LRIF1: variants seen among roughly 807,000 people sequenced by gnomAD.
The protein encoded by LRIF1 is ligand dependent nuclear receptor interacting factor 1.
A neutral mutation model predicts 52.7 loss-of-function variants in LRIF1; 32 were observed. The observed-to-expected ratio is 0.61, with a 90% CI of 0.46 to 0.82. The LOEUF is 0.82. LRIF1 is among the 40% of genes least tolerant of loss of function. The pLI is 0.00. For synonymous variants in LRIF1, 323 were observed against 317.4 expected (o/e 1.02, Z -0.19); for missense variants, 887 against 892.0 (o/e 0.99, Z 0.07).
chr1:110,928,258 G>C, the LRIF1 span, among the ~76,000 whole-genome samples: 1 of 152,136 alleles, frequency 6.6e-6, no homozygotes, highest in Non-Finnish European at 1.5e-5. Context: ...AATTTTGTTT[G>C]TTGAATAGTA....
At chr1:110,962,045 A>G (rs1260554470) in intron 1 of LRIF1, among the ~76,000 whole-genome samples, 5 of 145,528 alleles carry the variant, frequency 3.4e-5, no homozygotes, top group Admixed American at 7.1e-5. Flanking sequence ...TAGAAACTGG[A>G]TAACAGAGTT....
Position 110,948,419 on chromosome 1 carries a change from T to C in LRIF1, c.1870-20A>G. ...ATTCTGCTGCAATATTGAATAACATTCCAAAACAAAAACGAAATGTTACTG... is the reference window on the plus strand; with the variant it reads ...ATTCTGCTGCAATATTGAATAACATCCCAAAACAAAAACGAAATGTTACTG... On this transcript the variant is annotated intron_variant, in intron 3 of 3. Transcript: ENST00000369763. The C allele has an allele frequency of 6.3e-7, 1 of 1,591,686 alleles. No individual in the cohort carries two copies. The highest frequency in any genetic ancestry group is 8.6e-7 in the Non-Finnish European group (1 of 1,167,636).
chr1:110,963,560 C>T, intron 1 of LRIF1, 61 bp downstream of exon 1: 1 of 1,441,832 alleles, frequency 6.9e-7, no homozygotes, highest in Non-Finnish European at 9.6e-7. Context: ...CGACGGCCGA[C>T]TCCACATCCC....
At chr1:110,895,152 T>A in the LRIF1 span, 1 of 871,166 alleles carries the variant, frequency 1.1e-6, no homozygotes, top group Non-Finnish European at 1.9e-6. Flanking sequence ...TTTCAGAATC[T>A]AAGGTCCACA....
At chr1:110,932,246 T>C in the LRIF1 span, among the ~76,000 whole-genome samples, 1 of 152,212 alleles carries the variant, frequency 6.6e-6, no homozygotes, top group Non-Finnish European at 1.5e-5. Flanking sequence ...AGGGAATCTT[T>C]CCCCATTTCT....
downstream of LRIF1, among the ~76,000 whole-genome samples, chr1:110,946,650 CCT>C (rs1491542765): frequency 1.4e-4 from 18 of 130,194 alleles, no homozygotes; most frequent in Admixed American, 3.2e-4. Flanking sequence ...GAGATTTGAT[CCT>C]TTTTTTTTTT....
intron 1 of LRIF1, among the ~76,000 whole-genome samples, chr1:110,955,581 T>C (rs1054869351): frequency 6.6e-6 from 1 of 152,208 alleles, no homozygotes; most frequent in African/African-American, 2.4e-5. Flanking sequence ...GTTTCTGAGA[T>C]GCCAAATAGG....
the LRIF1 span, among the ~76,000 whole-genome samples, chr1:110,882,993 A>G: frequency 3.3e-5 from 5 of 151,980 alleles, no homozygotes; most frequent in South Asian, 2.1e-4. Context: ...GACATTCATG[A>G]TATCTGTGAA....
the LRIF1 span, among the ~76,000 whole-genome samples, chr1:110,923,681 TGAGA>T: frequency 1.3e-5 from 2 of 152,030 alleles, no homozygotes; most frequent in East Asian, 3.8e-4. Context: ...AAAATACCAT[TGAGA>T]GATAGTGGCC....
chr1:110,939,942 A>G, the LRIF1 span: 1 of 152,252 alleles, frequency 6.6e-6, no homozygotes, highest in Non-Finnish European at 1.5e-5. Context: ...TTTCTTGAGT[A>G]GTACCCCACA....
chr1:110,912,347 G>A, the LRIF1 span, among the ~76,000 whole-genome samples: 1 of 152,104 alleles, frequency 6.6e-6, no homozygotes, highest in African/African-American at 2.4e-5. Flanking sequence ...AAGTAGTTGG[G>A]ATTACAGGCA....
At chr1:110,910,071 C>T in the LRIF1 span, among the ~76,000 whole-genome samples, 5 of 152,002 alleles carry the variant, frequency 3.3e-5, no homozygotes, top group Admixed American at 3.3e-4. Context: ...TAGATAACCA[C>T]ACAATATTAG....
chr1:110,949,862 C>T lies in LRIF1; in HGVS notation c.1858G>A (p.Glu620Lys), dbSNP rs556152106. ...KETEFMVKEG[E>K]RKQQNFDKKR... ...AATGTATTACCTACCTGTTTTCTCT[C>T]TCCTTCCTTCACCATAAACTCTGTC... Residue 620 changes from glutamate (E) to lysine (K), a missense_variant, in exon 3 of 4, where the codon GAG becomes AAG. Coordinates refer to ENST00000369763, the MANE Select transcript of LRIF1 (RefSeq NM_018372.4). The T allele has an allele frequency of 1.2e-6, 2 of 1,613,648 alleles. No homozygotes were observed.
At chr1:110,910,621 A>G in the LRIF1 span, among the ~76,000 whole-genome samples, 2 of 152,120 alleles carry the variant, frequency 1.3e-5, no homozygotes, top group Admixed American at 6.6e-5. Flanking sequence ...AAACAAAACA[A>G]AACAAACCTG....
the LRIF1 span, among the ~76,000 whole-genome samples, chr1:110,920,857 G>T: frequency 1.3e-5 from 2 of 152,126 alleles, no homozygotes; most frequent in African/African-American, 4.8e-5. Context: ...AATAAATAAA[G>T]TGTATTAATT....
downstream of LRIF1, among the ~76,000 whole-genome samples, chr1:110,942,803 G>T (rs1658122384): frequency 6.6e-6 from 1 of 152,030 alleles, no homozygotes. Flanking sequence ...GCTGATTTTG[G>T]CCTGTGTTGA....
the LRIF1 span, among the ~76,000 whole-genome samples, chr1:110,898,192 A>G: frequency 6.6e-6 from 1 of 152,104 alleles, no homozygotes; most frequent in African/African-American, 2.4e-5. Context: ...CCTGGCTAAC[A>G]TGGTGAAACC....
the LRIF1 span, among the ~76,000 whole-genome samples, chr1:110,933,928 C>T: frequency 6.6e-6 from 1 of 152,232 alleles, no homozygotes; most frequent in South Asian, 2.1e-4. Flanking sequence ...CCAAAAGAGA[C>T]CCCTTCCTTC....
chr1:110,922,141 C>T, the LRIF1 span, among the ~76,000 whole-genome samples: 175 of 152,168 alleles, frequency 1.2e-3, no homozygotes, highest in African/African-American at 3.8e-3. Flanking sequence ...ATCCATGTCC[C>T]GGCAAAAAAT....
Sources: gnomAD v4.1 joint callset for allele counts (sites outside exome capture counted in the v4.1 genomes callset) on GRCh38, gnomAD v4.1.1 for gene constraint, MANE v1.5 for transcripts, NCBI Gene and HGNC (gene_info 2026-07-23, HGNC 2026-07-21) for gene names.